CDH13: variants seen among roughly 807,000 people sequenced by gnomAD.
The protein encoded by CDH13 is cadherin 13.
A neutral mutation model predicts 63.8 loss-of-function variants in CDH13; 24 were observed. That is an observed-to-expected ratio of 0.38 (90% CI 0.27 to 0.53). CDH13 has a LOEUF of 0.53. CDH13 is among the 20% of genes least tolerant of loss of function. The probability of loss-of-function intolerance (pLI) is 0.85; values close to 1 mark genes in which losing one functional copy is unlikely to be tolerated. For synonymous variants in CDH13, 503 were observed against 355.3 expected, an observed-to-expected ratio of 1.42 and a Z score of -4.67; for missense variants, 1,049 against 903.1, an observed-to-expected ratio of 1.16 and a Z score of -2.07.
chr16:82,737,122 C>T (rs542291078), intron 1 of CDH13, among the ~76,000 whole-genome samples: 3 of 152,318 alleles, frequency 2.0e-5, no homozygotes, highest in East Asian at 1.9e-4. Flanking sequence ...TTATCTTAAG[C>T]CTTGAACCCT....
chr16:82,716,969 C>T (rs907800729), intron 1 of CDH13, among the ~76,000 whole-genome samples: 1 of 151,986 alleles, frequency 6.6e-6, no homozygotes, highest in African/African-American at 2.4e-5. Flanking sequence ...CTTAGAGATT[C>T]CTTCGTCCAG....
At chr16:82,678,077 C>G (rs1026343008) in intron 1 of CDH13, among the ~76,000 whole-genome samples, 1 of 152,118 alleles carries the variant, frequency 6.6e-6, no homozygotes, top group African/African-American at 2.4e-5. Flanking sequence ...CTTCTGTCAT[C>G]TTCACCCTCT....
At chr16:83,416,411 C>G (rs538374876) in intron 6 of CDH13, among the ~76,000 whole-genome samples, 1 of 152,306 alleles carries the variant, frequency 6.6e-6, no homozygotes, top group South Asian at 2.1e-4. Flanking sequence ...TTCTTTTTGA[C>G]TCTCATGACC....
Position 83,576,465 on chromosome 16 carries a change from C to T in CDH13, c.961-25989C>T, listed in dbSNP as rs4426341. On this transcript the variant is annotated intron_variant, in intron 7 of 13. Transcript: ENST00000567109. The stretch of plus-strand genomic sequence containing the variant: ...TCTGGCTAATGTGCTGTTCTATGAA[C>T]GTGTGCATACATGTATTTCTTTGAG... 3.7e-3 allele frequency among the ~76,000 whole-genome samples: 559 copies of T among 152,106 alleles called. 4 individuals carry two copies. The highest frequency in any genetic ancestry group is 0.013 in the African/African-American group (524 of 41,480).
rs1438064892 is a variant in CDH13, at chr16:82,684,034, A to C, written c.45+56897A>C. On this transcript the variant is annotated intron_variant, in intron 1 of 13. Coordinates refer to ENST00000567109, the MANE Select transcript of CDH13 (RefSeq NM_001257.5). ...CCTTTTCGCCTGTCTACCCCTTCCC[A>C]AGGACTATTTATATTGAGGCAACCA... Among the ~76,000 whole-genome samples the C allele has an allele frequency of 3.9e-5, 6 of 152,350 alleles. No individual in the cohort carries two copies. The East Asian group carries it at 1.2e-3, about 29-fold the overall frequency.
At chr16:83,144,836 G>A (rs1181435342) in intron 4 of CDH13, among the ~76,000 whole-genome samples, 2 of 152,214 alleles carry the variant, frequency 1.3e-5, no homozygotes, top group South Asian at 2.1e-4. Context: ...TTTTGCAAAA[G>A]CGTTCATGGA....
intron 1 of CDH13, chr16:82,639,473 T>G: frequency 6.6e-7 from 1 of 1,514,428 alleles, no homozygotes; most frequent in Non-Finnish European, 8.9e-7. Flanking sequence ...CAGGTAAATT[T>G]GCCTGCTGCT....
chr16:83,463,405 A>G (rs1357519483), intron 6 of CDH13, among the ~76,000 whole-genome samples: 1 of 152,190 alleles, frequency 6.6e-6, no homozygotes, highest in Non-Finnish European at 1.5e-5. Context: ...TCTCTCTGGC[A>G]TTCAGGCTGA....
At chr16:82,816,277 G>C (rs899002516) in intron 1 of CDH13, among the ~76,000 whole-genome samples, 1 of 152,122 alleles carries the variant, frequency 6.6e-6, no homozygotes, top group Non-Finnish European at 1.5e-5. Flanking sequence ...ATTGCCATCT[G>C]AATTCACTCA....
intron 1 of CDH13, among the ~76,000 whole-genome samples, chr16:82,797,224 T>C (rs1304684638): frequency 1.3e-5 from 2 of 152,204 alleles, no homozygotes; most frequent in Non-Finnish European, 2.9e-5. Flanking sequence ...TACGGTTTGC[T>C]GTACACTGTG....
At chr16:82,796,966 A>G (rs951584932) in intron 1 of CDH13, among the ~76,000 whole-genome samples, 7 of 152,198 alleles carry the variant, frequency 4.6e-5, no homozygotes, top group African/African-American at 1.4e-4. Context: ...CTGAATGCCC[A>G]TTGGAGGCAG....
chr16:82,699,653 T>C (rs1374886502), intron 1 of CDH13, among the ~76,000 whole-genome samples: 3 of 152,228 alleles, frequency 2.0e-5, no homozygotes, highest in Non-Finnish European at 4.4e-5. Context: ...TGAACCAAAA[T>C]GTAATCAGTA....
At chr16:83,172,319 T>A (rs1338350737) in intron 4 of CDH13, among the ~76,000 whole-genome samples, 1 of 151,952 alleles carries the variant, frequency 6.6e-6, no homozygotes, top group Non-Finnish European at 1.5e-5. Context: ...TGAAACCCCG[T>A]CTCTACTAAA....
chr16:82,653,701 T>A (rs764976410), intron 1 of CDH13, among the ~76,000 whole-genome samples: 13 of 152,102 alleles, frequency 8.5e-5, no homozygotes, highest in Non-Finnish European at 1.6e-4. Flanking sequence ...GTTGAGAAAC[T>A]TGGATTTCAC....
At chr16:83,404,802 C>A (rs1208156094) in intron 6 of CDH13, among the ~76,000 whole-genome samples, 2 of 152,182 alleles carry the variant, frequency 1.3e-5, no homozygotes, top group Admixed American at 1.3e-4. Flanking sequence ...TCTGTGCAGC[C>A]AGTTTTGCAT....
chr16:83,043,687 C>T (rs1281165763), intron 3 of CDH13, among the ~76,000 whole-genome samples: 1 of 152,126 alleles, frequency 6.6e-6, no homozygotes. Context: ...GGTGAAACCA[C>T]ATCTCTACTA....
intron 4 of CDH13, among the ~76,000 whole-genome samples, chr16:83,175,136 C>A (rs1388289878): frequency 6.6e-6 from 1 of 152,036 alleles, no homozygotes; most frequent in East Asian, 1.9e-4. Context: ...TGAAACGTTT[C>A]CATCATCATA....
intron 6 of CDH13, among the ~76,000 whole-genome samples, chr16:83,389,822 T>C (rs1221201789): frequency 6.6e-6 from 1 of 152,202 alleles, no homozygotes; most frequent in Non-Finnish European, 1.5e-5. Flanking sequence ...GTGTCCTAGA[T>C]CATTCAGCAG....
chr16:83,509,164 TC>T (rs2074496244), intron 7 of CDH13, among the ~76,000 whole-genome samples: 1 of 152,206 alleles, frequency 6.6e-6, no homozygotes. Flanking sequence ...CCTCAGAGTT[TC>T]AAAGATGTAA....
Sources: gnomAD v4.1 joint callset for allele counts (sites outside exome capture counted in the v4.1 genomes callset) on GRCh38, gnomAD v4.1.1 for gene constraint, MANE v1.5 for transcripts, NCBI Gene and HGNC (gene_info 2026-07-23, HGNC 2026-07-21) for gene names.